Variants in ANKRD11 observed in about 807,000 individuals in gnomAD.
ANKRD11 encodes the protein ankyrin repeat domain 11.
ANKRD11 carries 17 observed loss-of-function variants against 195.7 expected under a neutral mutation model. The ratio of observed to expected loss-of-function variants is 0.09; its 90% CI spans 0.06 to 0.13. The LOEUF (loss-of-function observed/expected upper bound fraction) is 0.13, where lower values mean the gene tolerates loss of function less well. ANKRD11 is among the 10% of genes least tolerant of loss of function. The pLI is 1.00. For synonymous variants in ANKRD11, 1,953 were observed against 1,528.1 expected (o/e 1.28, Z -6.49); for missense variants, 3,735 against 3,566.1 (o/e 1.05, Z -1.21).
At chr16:89,334,967 G>A (rs557661387) in intron 2 of ANKRD11, among the ~76,000 whole-genome samples, 3 of 152,228 alleles carry the variant, frequency 2.0e-5, no homozygotes, top group East Asian at 1.9e-4. Context: ...GAGTGGAGGG[G>A]AGGTCCAGGA....
intron 1 of ANKRD11, among the ~76,000 whole-genome samples, chr16:89,456,808 C>T (rs1295540183): frequency 2.0e-5 from 3 of 152,162 alleles, no homozygotes; most frequent in Admixed American, 6.5e-5. Flanking sequence ...TGAAGAGCTG[C>T]GGAGAAGTGG....
intron 2 of ANKRD11, among the ~76,000 whole-genome samples, chr16:89,397,900 T>C (rs2041516076): frequency 6.6e-6 from 1 of 152,208 alleles, no homozygotes; most frequent in African/African-American, 2.4e-5. Context: ...CCATCCCTGG[T>C]CAAAGCAGGT....
intron 1 of ANKRD11, among the ~76,000 whole-genome samples, chr16:89,485,192 T>C (rs1455049381): frequency 6.6e-6 from 1 of 152,100 alleles, no homozygotes; most frequent in Admixed American, 6.5e-5. Context: ...TTTAGCACTG[T>C]GGGGTTTCTG....
At chr16:89,357,383 C>A (rs1250957033) in intron 2 of ANKRD11, among the ~76,000 whole-genome samples, 1 of 152,064 alleles carries the variant, frequency 6.6e-6, no homozygotes. Context: ...GGCAGGTGAG[C>A]TTGTGGAGAA....
intron 1 of ANKRD11, among the ~76,000 whole-genome samples, chr16:89,440,298 G>A (rs1233658702): frequency 7.9e-5 from 12 of 152,154 alleles, no homozygotes; most frequent in African/African-American, 2.4e-4. Context: ...AGTGGAACTA[G>A]GAAAAGCAGA....
intron 2 of ANKRD11, among the ~76,000 whole-genome samples, chr16:89,401,191 T>A (rs946032664): frequency 2.0e-5 from 3 of 147,362 alleles, no homozygotes; most frequent in African/African-American, 7.5e-5. Context: ...CCTCCCAAGT[T>A]CAAGCAATTC....
At chr16:89,443,966 C>T (rs1238327991) in intron 1 of ANKRD11, among the ~76,000 whole-genome samples, 2 of 152,186 alleles carry the variant, frequency 1.3e-5, no homozygotes, top group Admixed American at 6.5e-5. Flanking sequence ...AGAGACAAAG[C>T]GGCCTGTCAG....
At chr16:89,413,633 A>C (rs577247262) in intron 2 of ANKRD11, among the ~76,000 whole-genome samples, 37 of 152,116 alleles carry the variant, frequency 2.4e-4, no homozygotes, top group Non-Finnish European at 4.6e-4. Flanking sequence ...AAAAAGAAAA[A>C]AATAAAGGAA....
At chr16:89,480,110 C>CA (rs532629752) in intron 1 of ANKRD11, among the ~76,000 whole-genome samples, 262 of 142,084 alleles carry the variant, frequency 1.8e-3, no homozygotes, top group Middle Eastern at 3.5e-3. Context: ...GACTCAGTCT[C>CA]AAAAAAAAAA....
Position 89,424,760 on chromosome 16 carries a change from G to T in ANKRD11, c.-144-6392C>A, listed in dbSNP as rs563677138. ...GGGAGATGGGCTGGAAGGGGCAAAT[G>T]TGGCTAGAAAAGGGCAAAGGGCCGA... On this transcript the variant is annotated intron_variant, in intron 1 of 12. Transcript: ENST00000301030. Among the ~76,000 whole-genome samples, 5 of 152,316 alleles carry T rather than the reference G, an allele frequency of 3.3e-5. No individual in the cohort carries two copies. The South Asian group carries it at 1.0e-3, about 32-fold the overall frequency.
intron 2 of ANKRD11, among the ~76,000 whole-genome samples, chr16:89,394,685 C>T (rs887876982): frequency 1.3e-5 from 2 of 151,612 alleles, no homozygotes; most frequent in African/African-American, 4.8e-5. Context: ...TTCCACTCCT[C>T]GTCTCAATAA....
In ANKRD11 at chr16:89,280,615, C is replaced by A; in HGVS notation, c.5927G>T (p.Gly1976Val). ...TSENPVSWPV[G>V]SDLLLKSPQR... ...TGGAGACTTCAGCAGGAGGTCCGAG[C>A]CCACAGGCCAGCTCACAGGGTTTTC... The change falls in exon 9 of 13, where the codon GGC (glycine) becomes GTC (valine). Residue 1976 changes from glycine (G) to valine (V), a missense_variant. Transcript: ENST00000301030. 1 of 1,613,482 alleles carries A rather than the reference C, an allele frequency of 6.2e-7. No individual in the cohort carries two copies. Among genetic ancestry groups the A allele is most frequent in the Non-Finnish European group, 8.5e-7 (1 of 1,179,940 alleles).
At position 89,275,021 on chromosome 16, in the gene ANKRD11, C is replaced by T. The variant is rs182946384; in HGVS notation, c.7570-64G>A. ...CACGCTCCAGGCCCCACTGTCAACA[C>T]GACAGCCCCTGGGGCCTGCGCCGTG... On this transcript the variant is annotated intron_variant, in intron 10 of 12. Coordinates refer to ENST00000301030, the MANE Select transcript of ANKRD11 (RefSeq NM_013275.6). 1,873 of 1,611,224 alleles carry T rather than the reference C, an allele frequency of 1.2e-3. 5 individuals carry two copies. Among genetic ancestry groups the T allele is most frequent in the Middle Eastern group, 2.8e-3 (17 of 6,056 alleles).
chr16:89,440,634 G>A (rs2043409210), intron 1 of ANKRD11, among the ~76,000 whole-genome samples: 1 of 152,072 alleles, frequency 6.6e-6, no homozygotes, highest in Non-Finnish European at 1.5e-5. Flanking sequence ...GGAGGAGGAG[G>A]TAAGAGGGAA....
At chr16:89,368,213 TG>T (rs1335772769) in intron 2 of ANKRD11, among the ~76,000 whole-genome samples, 2 of 151,822 alleles carry the variant, frequency 1.3e-5, no homozygotes, top group Non-Finnish European at 2.9e-5. Context: ...TTTTTTTTTT[TG>T]ATACAGATTC....
At chr16:89,476,519 A>G in intron 1 of ANKRD11, among the ~76,000 whole-genome samples, 1 of 152,240 alleles carries the variant, frequency 6.6e-6, no homozygotes, top group Non-Finnish European at 1.5e-5. Flanking sequence ...CAGGACAGGC[A>G]GACCCAACGC....
At chr16:89,429,068 G>A (rs2042854658) in intron 1 of ANKRD11, among the ~76,000 whole-genome samples, 1 of 152,156 alleles carries the variant, frequency 6.6e-6, no homozygotes, top group Non-Finnish European at 1.5e-5. Flanking sequence ...TGAGAGAACA[G>A]CAACGTCCCT....
intron 2 of ANKRD11, among the ~76,000 whole-genome samples, chr16:89,393,042 T>G (rs1422029794): frequency 6.6e-6 from 1 of 152,066 alleles, no homozygotes; most frequent in Non-Finnish European, 1.5e-5. Flanking sequence ...CCTATGCAAA[T>G]GCTAACCCTC....
At chr16:89,476,511 G>A (rs2057263514) in intron 1 of ANKRD11, among the ~76,000 whole-genome samples, 1 of 152,214 alleles carries the variant, frequency 6.6e-6, no homozygotes, top group African/African-American at 2.4e-5. Flanking sequence ...GCCTGGACCA[G>A]GACAGGCAGA....
Sources: allele counts gnomAD v4.1 joint callset (sites outside exome capture counted in the v4.1 genomes callset), GRCh38; gene constraint gnomAD v4.1.1; transcripts MANE v1.5; gene names NCBI Gene and HGNC (gene_info 2026-07-23, HGNC 2026-07-21).